The following SEMA5A variants were observed in gnomAD, a reference collection of about 807,000 sequenced individuals.
SEMA5A encodes the protein semaphorin-5A.
SEMA5A carries 55 observed loss-of-function variants against 135.5 expected under a neutral mutation model. The ratio of observed to expected loss-of-function variants is 0.41; its 90% CI spans 0.33 to 0.51. The LOEUF is 0.51. SEMA5A is among the 20% of genes least tolerant of loss of function. SEMA5A has a pLI of 0.37. For synonymous variants in SEMA5A, 580 were observed against 546.5 expected (o/e 1.06, Z -0.85); for missense variants, 1,290 against 1,419.9 (o/e 0.91, Z 1.47).
At chr5:9,491,782 G>T (rs866118557) in intron 1 of SEMA5A, among the ~76,000 whole-genome samples, 2 of 152,260 alleles carry the variant, frequency 1.3e-5, no homozygotes, top group African/African-American at 4.8e-5. Context: ...TTCAAAAGGG[G>T]CATGATGCCC....
chr5:9,399,762 GGAACTTCTCAGTCTT>G (rs1157808528), intron 2 of SEMA5A, among the ~76,000 whole-genome samples: 2 of 152,224 alleles, frequency 1.3e-5, no homozygotes, highest in East Asian at 3.9e-4. Context: ...GGCCTTGAGG[GGAACTTCTCAGTCTT>G]GGGTAAGAGG....
At chr5:9,192,284 G>A (rs556608408) in intron 10 of SEMA5A, among the ~76,000 whole-genome samples, 2 of 152,372 alleles carry the variant, frequency 1.3e-5, no homozygotes, top group Admixed American at 1.3e-4. Flanking sequence ...TTACCTGTCC[G>A]GTGGCTAGGA....
At position 9,429,412 on chromosome 5, in the gene SEMA5A, G is replaced by C. The variant is rs62343775; in HGVS notation, c.-78+8344C>G. On this transcript the variant is annotated intron_variant, in intron 2 of 22. Coordinates refer to ENST00000382496, the MANE Select transcript of SEMA5A (RefSeq NM_003966.3). ...TAGTCCCTTACCTCACCTAGGAATGGAGCAGTGAGTGAACAAAATAAGCAA... is the reference window on the plus strand; with the variant it reads ...TAGTCCCTTACCTCACCTAGGAATGCAGCAGTGAGTGAACAAAATAAGCAA... Among the ~76,000 whole-genome samples the C allele has an allele frequency of 4.3e-3, 651 of 152,314 alleles. 3 individuals are homozygous for C. Among genetic ancestry groups the C allele is most frequent in the Non-Finnish European group, 7.7e-3 (527 of 68,028 alleles).
intron 2 of SEMA5A, among the ~76,000 whole-genome samples, chr5:9,410,036 T>C (rs1346855482): frequency 2.6e-5 from 4 of 152,154 alleles, no homozygotes; most frequent in African/African-American, 9.7e-5. Flanking sequence ...GGAAAAAATC[T>C]CTTTTAGCTT....
chr5:9,215,218 GA>G (rs777932230), intron 8 of SEMA5A, among the ~76,000 whole-genome samples: 2 of 152,192 alleles, frequency 1.3e-5, no homozygotes, highest in Admixed American at 6.5e-5. Flanking sequence ...GGAAGCCTGA[GA>G]AGTAAACAGA....
chr5:9,150,947 G>T (rs986139382), intron 12 of SEMA5A, among the ~76,000 whole-genome samples: 1 of 152,126 alleles, frequency 6.6e-6, no homozygotes, highest in African/African-American at 2.4e-5. Context: ...GGTGGTCCTC[G>T]TTGTACCGGG....
At chr5:9,192,953 T>C (rs777916638) in intron 10 of SEMA5A, among the ~76,000 whole-genome samples, 25 of 151,978 alleles carry the variant, frequency 1.6e-4, no homozygotes, top group Admixed American at 5.2e-4. Flanking sequence ...CCAGAAAAAT[T>C]GGACACCTAA....
rs555205232 is a variant in SEMA5A at position 9,054,109 on chromosome 5, G to C, written c.2667C>G (p.Leu889=). Reference sequence around the variant, plus strand: ...TACCTGGGCAGGGCTGCGTGTTGCAGAGTGCCTCTTCTGTGTGCAGCCCCA... The same window carrying C: ...TACCTGGGCAGGGCTGCGTGTTGCACAGTGCCTCTTCTGTGTGCAGCCCCA... ...ICLGLHTEEA[L]CNTQPCPESW... is the part of the protein sequence containing the mutation. The change falls in exon 19 of 23, where the codon CTC becomes CTG. Residue 889 remains leucine, a synonymous_variant. Transcript: ENST00000382496. 1.9e-6 allele frequency: 3 copies of C among 1,612,406 alleles called. No individual in the cohort carries two copies. The South Asian group carries it at 3.3e-5, about 18-fold the overall frequency.
intron 5 of SEMA5A, among the ~76,000 whole-genome samples, chr5:9,273,440 C>A (rs764810164): frequency 3.3e-5 from 5 of 151,962 alleles, no homozygotes; most frequent in Non-Finnish European, 7.4e-5. Flanking sequence ...GGAGAACTTC[C>A]CCAACCTAGC....
At chr5:9,064,633 G>A (rs559710381) in intron 17 of SEMA5A, among the ~76,000 whole-genome samples, 6 of 152,074 alleles carry the variant, frequency 3.9e-5, no homozygotes, top group South Asian at 2.1e-4. Flanking sequence ...ACCACAGACC[G>A]GGGCCTGTCG....
chr5:9,267,009 C>T (rs1465113446), intron 5 of SEMA5A, among the ~76,000 whole-genome samples: 1 of 152,100 alleles, frequency 6.6e-6, no homozygotes, highest in Non-Finnish European at 1.5e-5. Flanking sequence ...GATTAGAAGC[C>T]TGAGATTCAG....
chr5:9,139,380 C>A (rs868088880), intron 12 of SEMA5A, among the ~76,000 whole-genome samples: 23 of 152,292 alleles, frequency 1.5e-4, no homozygotes, highest in African/African-American at 5.3e-4. Flanking sequence ...TGCTGCCTCA[C>A]CCTGTTACAC....
At chr5:9,276,311 G>A (rs1392603759) in intron 5 of SEMA5A, among the ~76,000 whole-genome samples, 1 of 152,116 alleles carries the variant, frequency 6.6e-6, no homozygotes, top group Non-Finnish European at 1.5e-5. Context: ...AATAAGAGAG[G>A]ACACAAACAA....
chr5:9,402,595 G>T (rs551659064), intron 2 of SEMA5A, among the ~76,000 whole-genome samples: 1 of 152,254 alleles, frequency 6.6e-6, no homozygotes, highest in South Asian at 2.1e-4. Flanking sequence ...GAATGTTAGT[G>T]AGGTGAAATG....
intron 2 of SEMA5A, among the ~76,000 whole-genome samples, chr5:9,411,162 C>T (rs1757093940): frequency 6.6e-6 from 1 of 152,112 alleles, no homozygotes; most frequent in Admixed American, 6.5e-5. Context: ...CAGATGCTGC[C>T]TAATAGAAAT....
chr5:9,346,524 A>C (rs2150739965), intron 3 of SEMA5A, among the ~76,000 whole-genome samples: 1 of 152,314 alleles, frequency 6.6e-6, no homozygotes, highest in African/African-American at 2.4e-5. Context: ...TTCAGGGGTC[A>C]CAGGTTCCCC....
intron 5 of SEMA5A, among the ~76,000 whole-genome samples, chr5:9,245,082 C>T (rs1337474360): frequency 6.6e-6 from 1 of 152,100 alleles, no homozygotes; most frequent in Non-Finnish European, 1.5e-5. Context: ...CCGCAGTCAA[C>T]TGAAGTTCAA....
Position 9,235,466 on chromosome 5 carries a change from A to G in SEMA5A, c.333+2362T>C, listed in dbSNP as rs140616938. 3.2e-3 allele frequency among the ~76,000 whole-genome samples: 483 copies of G among 152,242 alleles called. 3 individuals are homozygous for G. Among genetic ancestry groups the G allele is most frequent in the Non-Finnish European group, 5.1e-3 (350 of 68,020 alleles). ...AAATATCAATAATGATGAAGATGAG[A>G]AACCCTAAATTAAAGTTCACTACCC... On this transcript the variant is annotated intron_variant, in intron 6 of 22. Coordinates refer to ENST00000382496, the MANE Select transcript of SEMA5A (RefSeq NM_003966.3).
intron 3 of SEMA5A, among the ~76,000 whole-genome samples, chr5:9,354,600 G>C (rs1020155777): frequency 1.3e-5 from 2 of 152,146 alleles, no homozygotes; most frequent in Admixed American, 1.3e-4. Flanking sequence ...TACCTACTCT[G>C]TGCCTGGTCC....
Sources: gnomAD v4.1 joint callset for allele counts (sites outside exome capture counted in the v4.1 genomes callset) on GRCh38, gnomAD v4.1.1 for gene constraint, MANE v1.5 for transcripts, NCBI Gene and HGNC (gene_info 2026-07-23, HGNC 2026-07-21) for gene names.